SNCAIP: variants seen among roughly 807,000 people sequenced by gnomAD.
The protein encoded by SNCAIP is synphilin-1.
Under a neutral mutation model 86.7 loss-of-function variants are expected in SNCAIP, and 43 were observed. The observed-to-expected ratio is 0.50, with a 90% CI of 0.39 to 0.64. SNCAIP has a LOEUF of 0.64. Among genes scored for constraint, SNCAIP ranks in the 30% least tolerant of loss-of-function variants. The pLI is 0.00. For synonymous variants in SNCAIP, 417 were observed against 427.2 expected, an observed-to-expected ratio of 0.98 and a Z score of 0.29; for missense variants, 981 against 1,103.1, an observed-to-expected ratio of 0.89 and a Z score of 1.57.
At chr5:122,346,592 A>G (rs1449887307) in intron 1 of SNCAIP, among the ~76,000 whole-genome samples, 1 of 152,082 alleles carries the variant, frequency 6.6e-6, no homozygotes. Flanking sequence ...CAATAAATCC[A>G]GTTAGATCCT....
At chr5:122,411,323 C>T (rs1393298322) in intron 3 of SNCAIP, among the ~76,000 whole-genome samples, 1 of 152,148 alleles carries the variant, frequency 6.6e-6, no homozygotes, top group Non-Finnish European at 1.5e-5. Context: ...AGTCCCCATC[C>T]TGTCACAGGA....
intron 10 of SNCAIP, among the ~76,000 whole-genome samples, chr5:122,453,515 G>T (rs1485043987): frequency 6.6e-6 from 1 of 152,118 alleles, no homozygotes; most frequent in Non-Finnish European, 1.5e-5. Context: ...CAGTCCATGA[G>T]CCAGGTTTAT....
At chr5:122,344,562 A>C (rs1758224797) in intron 1 of SNCAIP, among the ~76,000 whole-genome samples, 1 of 152,194 alleles carries the variant, frequency 6.6e-6, no homozygotes, top group African/African-American at 2.4e-5. Flanking sequence ...TGATGCATGA[A>C]GTGAGAAAAC....
chr5:122,425,408 A>G lies in SNCAIP; in HGVS notation c.1059A>G (p.Leu353=). ...DKIHDENGNN[L]LHIAASQGHA... is the part of the protein sequence containing the mutation. ...TTCACGACGAAAATGGAAACAATCT[A>G]TTACATATTGCGGCGTCACAGGGAC... The change falls in exon 5 of 11, where the codon CTA becomes CTG. Residue 353 remains leucine (L), a synonymous_variant. Coordinates refer to ENST00000261368, the MANE Select transcript of SNCAIP (RefSeq NM_005460.4). 2 of 1,613,978 alleles carry G rather than the reference A, an allele frequency of 1.2e-6. No individual in the cohort carries two copies. Among genetic ancestry groups the G allele is most frequent in the Non-Finnish European group, 1.7e-6 (2 of 1,179,858 alleles).
intron 3 of SNCAIP, among the ~76,000 whole-genome samples, chr5:122,419,999 G>T (rs906281714): frequency 2.0e-5 from 3 of 152,156 alleles, no homozygotes; most frequent in African/African-American, 7.2e-5. Context: ...CCATCCAGGT[G>T]TATGATATAG....
chr5:122,411,503 C>G (rs1774110642), intron 3 of SNCAIP, among the ~76,000 whole-genome samples: 1 of 152,128 alleles, frequency 6.6e-6, no homozygotes, highest in Admixed American at 6.5e-5. Context: ...TAAATGGGCT[C>G]TATCTTCCCA....
intron 3 of SNCAIP, among the ~76,000 whole-genome samples, chr5:122,422,072 G>C (rs1037132311): frequency 7.4e-5 from 11 of 148,652 alleles, no homozygotes; most frequent in African/African-American, 2.2e-4. Context: ...TTCTTCTCCT[G>C]TTTGTTTCCA....
At chr5:122,352,849 A>G (rs1393570325) in intron 1 of SNCAIP, among the ~76,000 whole-genome samples, 3 of 152,170 alleles carry the variant, frequency 2.0e-5, no homozygotes, top group Non-Finnish European at 4.4e-5. Context: ...CATCTCTACA[A>G]GAAACTTGAA....
intron 1 of SNCAIP, chr5:122,312,881 C>G (rs1195780139): frequency 6.6e-6 from 1 of 152,324 alleles, no homozygotes; most frequent in Non-Finnish European, 1.5e-5. Flanking sequence ...ATGTTTCTCT[C>G]TTGGCCTTGT....
At chr5:122,418,710 C>A (rs1775789027) in intron 3 of SNCAIP, among the ~76,000 whole-genome samples, 1 of 152,292 alleles carries the variant, frequency 6.6e-6, no homozygotes, top group African/African-American at 2.4e-5. Flanking sequence ...AGGCCAATAG[C>A]ATTCTCACTC....
chr5:122,451,223 C>T lies in SNCAIP; in HGVS notation c.2376C>T (p.Ala792=). ...SPDSTAAQKV[A]TSPKSALKSP... ...ACAGTACTGCTGCCCAGAAAGTTGC[C>T]ACAAGTCCCAAGAGTGCCCTCAAGT... The change falls in exon 10 of 11, where the codon GCC becomes GCT. Residue 792 remains alanine, a synonymous_variant. Coordinates refer to ENST00000261368, the MANE Select transcript of SNCAIP (RefSeq NM_005460.4). 1.9e-6 allele frequency: 3 copies of T among 1,614,122 alleles called. No homozygotes were observed. Among genetic ancestry groups the T allele is most frequent in the Non-Finnish European group, 2.5e-6 (3 of 1,180,014 alleles).
At chr5:122,402,182 CTG>C (rs112527714) in intron 2 of SNCAIP, among the ~76,000 whole-genome samples, 114 of 152,110 alleles carry the variant, frequency 7.5e-4, no homozygotes, top group African/African-American at 2.7e-3. Flanking sequence ...GAATTATAGA[CTG>C]TGTAATTATC....
intron 3 of SNCAIP, among the ~76,000 whole-genome samples, chr5:122,408,891 T>C (rs1056350747): frequency 1.3e-5 from 2 of 152,204 alleles, no homozygotes; most frequent in African/African-American, 2.4e-5. Context: ...GCCTATTTTA[T>C]TGATGAGGAA....
rs148152880 is a variant in SNCAIP at position 122,432,004 on chromosome 5, C to T, written c.1218C>T (p.Ser406=). 545 of 1,604,850 alleles carry T rather than the reference C, an allele frequency of 3.4e-4. 1 individual carries two copies. The African/African-American group carries it at 6.2e-3, about 18-fold the overall frequency. The change falls in exon 6 of 11, where the codon AGC becomes AGT. Residue 406 remains serine (S), a synonymous_variant. Transcript: ENST00000261368. ...GQLECVRWMV[S]ETEAIAELSC... is the part of the protein sequence containing the mutation. ...TGGAGTGCGTACGCTGGATGGTGAG[C>T]GAAACAGAAGCCATTGCAGAACTGA...
chr5:122,432,576 A>C (rs549526753), intron 6 of SNCAIP, among the ~76,000 whole-genome samples: 26 of 152,304 alleles, frequency 1.7e-4, no homozygotes, highest in African/African-American at 6.3e-4. Flanking sequence ...CAAAAGGAAC[A>C]ATGATACATT....
chr5:122,406,031 A>T (rs1200690372), intron 3 of SNCAIP, among the ~76,000 whole-genome samples: 2 of 152,182 alleles, frequency 1.3e-5, no homozygotes, highest in African/African-American at 4.8e-5. Flanking sequence ...TTGCATGTAC[A>T]TTTCCAATTT....
In SNCAIP at chr5:122,444,487, C is replaced by G. The variant is rs929929303; in HGVS notation, c.1423-76C>G. 3 of 1,370,298 alleles carry G rather than the reference C, an allele frequency of 2.2e-6. No homozygotes were observed. The African/African-American group carries it at 4.3e-5, about 20-fold the overall frequency. The allele number at this position is 1,370,298 out of a possible 1,614,324, so 84.9% of individuals were successfully genotyped here. ...CCCTAGAGGCTCTCTTCATACTATT[C>G]AACATTCTGTTACAGTCATTAAAAA... On this transcript the variant is annotated intron_variant, in intron 7 of 10. Coordinates refer to ENST00000261368, the MANE Select transcript of SNCAIP (RefSeq NM_005460.4).
intron 1 of SNCAIP, chr5:122,388,695 G>A (rs1277481538): frequency 6.6e-6 from 1 of 152,238 alleles, no homozygotes; most frequent in African/African-American, 2.4e-5. Flanking sequence ...GTTGGGGAAT[G>A]TAGTCAGGAT....
At chr5:122,441,943 T>C (rs756451008) in intron 7 of SNCAIP, among the ~76,000 whole-genome samples, 24 of 152,130 alleles carry the variant, frequency 1.6e-4, no homozygotes, top group Non-Finnish European at 2.8e-4. Context: ...ACCCGACATA[T>C]ATGGATTTAT....
Sources: gnomAD v4.1 joint callset for allele counts (sites outside exome capture counted in the v4.1 genomes callset) on GRCh38, gnomAD v4.1.1 for gene constraint, MANE v1.5 for transcripts, NCBI Gene and HGNC (gene_info 2026-07-23, HGNC 2026-07-21) for gene names.